The following SMAD3 variants were observed in gnomAD, a reference collection of about 807,000 sequenced individuals.
SMAD3 encodes the protein SMAD family member 3, also known as MAD homolog 3.
Under a neutral mutation model 51.8 loss-of-function variants are expected in SMAD3, and 12 were observed. The ratio of observed to expected loss-of-function variants is 0.23; its 90% CI spans 0.15 to 0.38. SMAD3 has a LOEUF of 0.38. Ranked by LOEUF, SMAD3 falls within the 10% of genes least tolerant of loss-of-function variation. SMAD3 has a pLI of 1.00. For missense variants in SMAD3, 294 were observed against 565.6 expected (o/e 0.52, Z 4.87); for synonymous variants, 238 against 227.7 (o/e 1.05, Z -0.41).
intron 6 of SMAD3, among the ~76,000 whole-genome samples, chr15:67,183,637 C>T (rs553896798): frequency 6.6e-6 from 1 of 152,240 alleles, no homozygotes; most frequent in Admixed American, 6.5e-5. Flanking sequence ...TATCTGGCTC[C>T]GTGTTCTGAC....
At chr15:67,187,084 C>G (rs1452316352) in intron 7 of SMAD3, 5 of 606,684 alleles carry the variant, frequency 8.2e-6, no homozygotes, top group South Asian at 7.6e-5. Context: ...CTTCTCCCTG[C>G]TCTGGGAGTC....
intron 1 of SMAD3, chr15:67,146,091 T>G (rs909393407): frequency 6.6e-6 from 1 of 152,222 alleles, no homozygotes. Flanking sequence ...CAGTGTTAAC[T>G]CCTTAATGAG....
chr15:67,169,428 G>C (rs1962681721), intron 4 of SMAD3, among the ~76,000 whole-genome samples: 1 of 152,096 alleles, frequency 6.6e-6, no homozygotes, highest in African/African-American at 2.4e-5. Flanking sequence ...CCAGTCTCAG[G>C]ACTGATAGAT....
intron 6 of SMAD3, among the ~76,000 whole-genome samples, chr15:67,184,430 C>G (rs7181556): frequency 1.3e-5 from 2 of 151,974 alleles, no homozygotes; most frequent in Non-Finnish European, 2.9e-5. Context: ...TAGAGACAAA[C>G]GAAGACTCAG....
chr15:67,144,379 G>C (rs890979259), intron 1 of SMAD3, among the ~76,000 whole-genome samples: 1 of 151,840 alleles, frequency 6.6e-6, no homozygotes, highest in Non-Finnish European at 1.5e-5. Flanking sequence ...ATAAAGGGAG[G>C]GTTGTTGATC....
At chr15:67,186,309 G>A (rs1226952962) in intron 7 of SMAD3, among the ~76,000 whole-genome samples, 3 of 95,368 alleles carry the variant, frequency 3.1e-5, no homozygotes, top group African/African-American at 8.4e-5. Context: ...AGGAAGCTCA[G>A]TGACGCTCTT....
intron 1 of SMAD3, among the ~76,000 whole-genome samples, chr15:67,127,142 C>T (rs1367668022): frequency 6.6e-6 from 1 of 152,190 alleles, no homozygotes; most frequent in African/African-American, 2.4e-5. Context: ...AAATCAAGCC[C>T]AGACACCGGC....
chr15:67,097,966 G>C (rs2140220662), intron 1 of SMAD3, among the ~76,000 whole-genome samples: 1 of 152,244 alleles, frequency 6.6e-6, no homozygotes, highest in East Asian at 1.9e-4. Context: ...AAGGATCCTG[G>C]TCCTCTCACA....
chr15:67,173,172 C>T (rs1962798849), intron 5 of SMAD3, among the ~76,000 whole-genome samples: 1 of 152,126 alleles, frequency 6.6e-6, no homozygotes, highest in South Asian at 2.1e-4. Context: ...TATCCATGCG[C>T]TCAGTCAACA....
intron 1 of SMAD3, among the ~76,000 whole-genome samples, chr15:67,111,341 A>C (rs1002684253): frequency 1.3e-5 from 2 of 152,200 alleles, no homozygotes; most frequent in Non-Finnish European, 2.9e-5. Flanking sequence ...TTTATGGCCA[A>C]ATAGTATTCC....
chr15:67,084,060 C>CTT (rs1373497387), intron 1 of SMAD3, among the ~76,000 whole-genome samples: 1 of 105,152 alleles, frequency 9.5e-6, no homozygotes, highest in African/African-American at 3.6e-5. Context: ...CTCAGATTTT[C>CTT]TTTTTTTTTC....
Position 67,120,771 on chromosome 15 carries a change from C to G in SMAD3, c.207-44124C>G, listed in dbSNP as rs1256810672. On this transcript the variant is annotated intron_variant, in intron 1 of 8. Coordinates refer to ENST00000327367, the MANE Select transcript of SMAD3 (RefSeq NM_005902.4). Reference sequence around the variant, plus strand: ...CCTTTAGAGCAAGCTTGTCCACCCTCTGGCCCGTGGGCCGCATGTAGCCCA... The same window carrying G: ...CCTTTAGAGCAAGCTTGTCCACCCTGTGGCCCGTGGGCCGCATGTAGCCCA... Among the ~76,000 whole-genome samples the G allele has an allele frequency of 3.3e-5, 5 of 152,232 alleles. No individual in the cohort carries two copies. The South Asian group carries it at 8.3e-4, about 25-fold the overall frequency.
rs72661161 is a variant in SMAD3, at chr15:67,193,083, C to T, written c.*2547C>T. 1.4e-3 allele frequency: 331 copies of T among 233,138 alleles called. No homozygotes were observed. The highest frequency in any genetic ancestry group is 2.7e-3 in the Admixed American group (48 of 17,782). The allele number at this position is 233,138 out of a possible 1,614,324, so 14.4% of individuals were successfully genotyped here. A position where few individuals can be genotyped will look rare whatever the true frequency, so the allele number is the denominator to read the frequency against. ...TAGAGTGCTACATAGGTGCTTTGGG[C>T]GTATGTAACATTAGTGTCCTTCCTT... On this transcript the variant is annotated 3_prime_UTR_variant, in exon 9 of 9. Coordinates refer to ENST00000327367, the MANE Select transcript of SMAD3 (RefSeq NM_005902.4).
Position 67,190,847 on chromosome 15 carries a change from T to C in SMAD3, c.*311T>C, listed in dbSNP as rs1963344134. 3 of 436,296 alleles carry C rather than the reference T, an allele frequency of 6.9e-6. No homozygotes were observed. Among genetic ancestry groups the C allele is most frequent in the Admixed American group, 3.5e-5 (1 of 28,456 alleles). 27.0% of individuals were successfully genotyped at this position (436,296 alleles called of 1,614,324 possible). A position where few individuals can be genotyped will look rare whatever the true frequency, so the allele number is the denominator to read the frequency against. ...CCACCGGCCCCCTCCCCCCAGACTCTTTTTTTGAGTGACAGCTTTCTGGGA... is the reference window on the plus strand; with the variant it reads ...CCACCGGCCCCCTCCCCCCAGACTCCTTTTTTGAGTGACAGCTTTCTGGGA... On this transcript the variant is annotated 3_prime_UTR_variant, in exon 9 of 9. Coordinates refer to ENST00000327367, the MANE Select transcript of SMAD3 (RefSeq NM_005902.4).
At chr15:67,133,267 A>ATC (rs908927932) in intron 1 of SMAD3, among the ~76,000 whole-genome samples, 16 of 152,082 alleles carry the variant, frequency 1.1e-4, no homozygotes, top group Non-Finnish European at 2.1e-4. Context: ...TGGACCTCTT[A>ATC]TCTCTCTCTC....
intron 1 of SMAD3, chr15:67,098,809 C>CG: frequency 1.4e-6 from 1 of 690,710 alleles, no homozygotes; most frequent in East Asian, 2.7e-5. Flanking sequence ...GCATCCCCAG[C>CG]GGGGGTCTGA....
chr15:67,124,070 C>T (rs541352101), intron 1 of SMAD3, among the ~76,000 whole-genome samples: 2 of 152,314 alleles, frequency 1.3e-5, no homozygotes, highest in African/African-American at 4.8e-5. Context: ...TTACTGCAGC[C>T]TCAAACTCCT....
chr15:67,138,331 T>A (rs1367325804), intron 1 of SMAD3: 14 of 493,800 alleles, frequency 2.8e-5, no homozygotes, highest in Admixed American at 9.8e-5. Context: ...GGGACCCTGC[T>A]CCCCTCCCCT....
chr15:67,108,467 C>T (rs986013661), intron 1 of SMAD3, among the ~76,000 whole-genome samples: 2 of 152,192 alleles, frequency 1.3e-5, no homozygotes, highest in East Asian at 1.9e-4. Flanking sequence ...TCCTCCAAAA[C>T]GTAGTCCCAT....
Sources: allele counts gnomAD v4.1 joint callset (sites outside exome capture counted in the v4.1 genomes callset), GRCh38; gene constraint gnomAD v4.1.1; transcripts MANE v1.5; gene names NCBI Gene and HGNC (gene_info 2026-07-23, HGNC 2026-07-21).